CDH7: variants seen among roughly 807,000 people sequenced by gnomAD.
CDH7 encodes cadherin-7.
A neutral mutation model predicts 71.8 loss-of-function variants in CDH7; 25 were observed. That is an observed-to-expected ratio of 0.35 (90% CI 0.25 to 0.49). The LOEUF is 0.49. Among genes scored for constraint, CDH7 ranks in the 20% least tolerant of loss-of-function variants. The pLI, the probability that CDH7 is intolerant of heterozygous loss-of-function variation, is 0.99. For synonymous variants in CDH7, 381 were observed against 363.8 expected (o/e 1.05, Z -0.54); for missense variants, 862 against 974.6 (o/e 0.88, Z 1.54).
chr18:65,847,440 C>T (rs114638127), intron 7 of CDH7, among the ~76,000 whole-genome samples: 1,538 of 152,178 alleles, frequency 0.01, 25 homozygotes, highest in African/African-American at 0.035. Context: ...TAGCATATGT[C>T]ATTTATGTTT....
At chr18:65,803,645 A>G (rs1911204681) in intron 2 of CDH7, 1 of 152,088 alleles carries the variant, frequency 6.6e-6, no homozygotes. Context: ...TGGTATGTGG[A>G]AAATATTTAT....
chr18:65,880,198 A>AT (rs1437815009), intron 11 of CDH7, among the ~76,000 whole-genome samples: 11 of 152,188 alleles, frequency 7.2e-5, no homozygotes, highest in Admixed American at 1.3e-4. Context: ...GGGTTCCTTG[A>AT]TGTATAAAAG....
chr18:65,763,711 A>T (rs970044747), intron 2 of CDH7, among the ~76,000 whole-genome samples: 5 of 151,966 alleles, frequency 3.3e-5, no homozygotes, highest in Non-Finnish European at 7.4e-5. Flanking sequence ...TAGACAAGTG[A>T]TGGGCAGTTC....
intron 11 of CDH7, 146 bp from the exon 12 acceptor site, chr18:65,880,255 G>C: frequency 1.3e-6 from 1 of 774,268 alleles, no homozygotes; most frequent in Non-Finnish European, 2.0e-6. Context: ...ATCTACCGCT[G>C]TGAATCCTTG....
intron 11 of CDH7, chr18:65,865,531 T>C (rs1482621075): frequency 6.6e-6 from 1 of 152,152 alleles, no homozygotes; most frequent in East Asian, 1.9e-4. Context: ...AAGTCTGTTG[T>C]ACTGAAATAC....
chr18:65,880,892 T>G lies in CDH7; in HGVS notation c.2356T>G (p.Ter786GluextTer21). The G allele has an allele frequency of 2.5e-6, 4 of 1,592,774 alleles. No homozygotes were observed. The highest frequency in any genetic ancestry group is 3.4e-6 in the Non-Finnish European group (4 of 1,170,534). The change falls in exon 12 of 12, where the codon TAG becomes GAG. Residue 786 changes from the stop codon to glutamate, a stop_lost. Coordinates refer to ENST00000397968, the MANE Select transcript of CDH7 (RefSeq NM_004361.5). Reference sequence around the variant, plus strand: ...GACTGGCCAAGAGAGTTTGTACTCATAGCCTTGGAACCTTAATTCGAAATG... The same window carrying G: ...GACTGGCCAAGAGAGTTTGTACTCAGAGCCTTGGAACCTTAATTCGAAATG... ...YGTGQESLYS* is the reference protein window; with the variant it reads ...YGTGQESLYSE
chr18:65,781,071 C>T (rs1402407311), intron 2 of CDH7, among the ~76,000 whole-genome samples: 1 of 152,006 alleles, frequency 6.6e-6, no homozygotes, highest in Non-Finnish European at 1.5e-5. Context: ...CTATAAAACA[C>T]AAATAAGAAT....
intron 2 of CDH7, among the ~76,000 whole-genome samples, chr18:65,802,155 G>A (rs1372020861): frequency 6.6e-6 from 1 of 152,182 alleles, no homozygotes. Context: ...TTATTCATGG[G>A]CCCAGTGCTT....
At chr18:65,772,454 G>A (rs1284273016) in intron 2 of CDH7, among the ~76,000 whole-genome samples, 3 of 152,172 alleles carry the variant, frequency 2.0e-5, no homozygotes, top group Admixed American at 2.0e-4. Context: ...AATTTAGGTG[G>A]TTAACTGATA....
chr18:65,864,624 C>T (rs566531023), intron 11 of CDH7, among the ~76,000 whole-genome samples: 49 of 152,052 alleles, frequency 3.2e-4, no homozygotes, highest in Middle Eastern at 3.4e-3. Context: ...AGCAGTGGCT[C>T]ACGCCTGTAA....
intron 7 of CDH7, among the ~76,000 whole-genome samples, chr18:65,845,594 A>G (rs1265752342): frequency 6.6e-6 from 1 of 152,088 alleles, no homozygotes; most frequent in African/African-American, 2.4e-5. Context: ...TCTTGCCCTC[A>G]TGAACAATCA....
At chr18:65,756,479 G>A (rs12966480) in intron 1 of CDH7, among the ~76,000 whole-genome samples, 54,039 of 152,022 alleles carry the variant, frequency 0.36, 9,990 homozygotes, top group Middle Eastern at 0.48. Flanking sequence ...AACTATACCA[G>A]TTTTTAAAAG....
intron 11 of CDH7, chr18:65,865,509 G>A (rs1020635282): frequency 2.6e-5 from 4 of 151,954 alleles, no homozygotes; most frequent in African/African-American, 4.8e-5. Context: ...CTTCAAAACC[G>A]TAAGTAAAAC....
intron 7 of CDH7, among the ~76,000 whole-genome samples, chr18:65,846,278 T>G (rs1040339479): frequency 1.3e-5 from 2 of 152,080 alleles, no homozygotes; most frequent in African/African-American, 4.8e-5. Flanking sequence ...TAAAAATCTC[T>G]GTGGTCTTTA....
chr18:65,820,086 T>C (rs1911866877), intron 4 of CDH7, among the ~76,000 whole-genome samples: 1 of 144,222 alleles, frequency 6.9e-6, no homozygotes, highest in African/African-American at 2.5e-5. Context: ...TTTTTTCCTA[T>C]ACTTAAAAAC....
intron 2 of CDH7, among the ~76,000 whole-genome samples, chr18:65,773,735 T>A (rs546830454): frequency 2.2e-4 from 34 of 152,168 alleles, no homozygotes; most frequent in African/African-American, 8.2e-4. Context: ...GTGAGCTTAA[T>A]GAGGAAAGGG....
intron 2 of CDH7, among the ~76,000 whole-genome samples, chr18:65,798,223 A>G (rs193019915): frequency 7.0e-6 from 1 of 143,452 alleles, no homozygotes; most frequent in Non-Finnish European, 1.5e-5. Flanking sequence ...ATTTGAGAGC[A>G]TGGAAAAATA....
chr18:65,818,799 A>G (rs1911812634), intron 4 of CDH7, among the ~76,000 whole-genome samples: 1 of 152,176 alleles, frequency 6.6e-6, no homozygotes, highest in Non-Finnish European at 1.5e-5. Flanking sequence ...TTAAAACAAA[A>G]GCAAAGCCAA....
At chr18:65,865,715 C>T (rs1437438493) in intron 11 of CDH7, 2 of 151,976 alleles carry the variant, frequency 1.3e-5, no homozygotes, top group Non-Finnish European at 2.9e-5. Flanking sequence ...GTTTTGTCGC[C>T]ACTATTATAG....
Sources: gnomAD v4.1 joint callset for allele counts (sites outside exome capture counted in the v4.1 genomes callset) on GRCh38, gnomAD v4.1.1 for gene constraint, MANE v1.5 for transcripts, NCBI Gene and HGNC (gene_info 2026-07-23, HGNC 2026-07-21) for gene names.